The following CDRT4 variants were observed in gnomAD, a reference collection of about 807,000 sequenced individuals.
CDRT4 encodes the protein CMT1A duplicated region transcript 4 protein.
For synonymous variants in CDRT4, 64 were observed against 69.6 expected, an observed-to-expected ratio of 0.92 and a Z score of 0.40; for missense variants, 167 against 193.1, an observed-to-expected ratio of 0.87 and a Z score of 0.80.
At chr17:15,440,512 A>G (rs537555089) in intron 2 of CDRT4, among the ~76,000 whole-genome samples, 542 of 152,202 alleles carry the variant, frequency 3.6e-3, no homozygotes, top group African/African-American at 0.012. Flanking sequence ...CTGTCATGAT[A>G]GTCTCTGGGT....
chr17:15,466,987 T>C (rs1203554416), intron 1 of CDRT4, among the ~76,000 whole-genome samples: 1 of 152,250 alleles, frequency 6.6e-6, no homozygotes. Flanking sequence ...AAACATTCCT[T>C]TGGTCCTGAG....
In CDRT4 at chr17:15,450,574, CTTTTTTT is replaced by C. The variant is rs59035063; in HGVS notation, c.-48+2423_-48+2429del. Among the ~76,000 whole-genome samples, 1 of 146,116 alleles carries C rather than the reference CTTTTTTT, an allele frequency of 6.8e-6. No homozygotes were observed. Among genetic ancestry groups the C allele is most frequent in the South Asian group, 2.2e-4 (1 of 4,612 alleles). On this transcript the variant is annotated intron_variant, in intron 2 of 3. Coordinates refer to ENST00000619038, the MANE Select transcript of CDRT4 (RefSeq NM_001204477.2). The surrounding 1 kb of genome is among the most constrained non-coding windows in gnomAD (Gnocchi z 4.2). ...TCCATTGAGGATTTCTAGTTCCCTTCTTTTTTTTTTTTTATTTCCACACATCCCCAAA... is the reference window on the plus strand; with the variant it reads ...TCCATTGAGGATTTCTAGTTCCCTTCTTTTTTATTTCCACACATCCCCAAA...
intron 1 of CDRT4, among the ~76,000 whole-genome samples, chr17:15,466,478 T>G (rs1980048650): frequency 6.6e-6 from 1 of 152,236 alleles, no homozygotes; most frequent in African/African-American, 2.4e-5. Flanking sequence ...TCTTACTAAT[T>G]TTTTGTTTCA....
At position 15,459,001 on chromosome 17, in the gene CDRT4, C is replaced by A. The variant is rs184167022; in HGVS notation, c.-129-5916G>T. Reference sequence around the variant, plus strand: ...GACCATTGAGCAGGTCTGTCACTGCCTCACTTGGTAATAAAGAAAATCTGC... The same window carrying A: ...GACCATTGAGCAGGTCTGTCACTGCATCACTTGGTAATAAAGAAAATCTGC... On this transcript the variant is annotated intron_variant, in intron 1 of 3. Transcript: ENST00000619038. 2.0e-5 allele frequency among the ~76,000 whole-genome samples: 3 copies of A among 152,310 alleles called. No individual in the cohort carries two copies. The East Asian group carries it at 5.8e-4, about 29-fold the overall frequency.
In CDRT4 at chr17:15,464,425, G is replaced by A. The variant is rs905034037; in HGVS notation, c.-130+3035C>T. Among the ~76,000 whole-genome samples the A allele has an allele frequency of 2.6e-5, 4 of 152,104 alleles. No individual in the cohort carries two copies. The highest frequency in any genetic ancestry group is 2.1e-4 in the South Asian group (1 of 4,798). ...TACATATCACCCTCACTGCAGCAGC[G>A]GCTGCCTTTTCCGAGCTCGCTTCTT... is the stretch of plus-strand genomic sequence containing the variant. On this transcript the variant is annotated intron_variant, in intron 1 of 3. Transcript: ENST00000619038. The surrounding 1 kb of genome is among the most constrained non-coding windows in gnomAD (Gnocchi z 4.5).
At chr17:15,454,349 A>C (rs1979390012) in intron 1 of CDRT4, among the ~76,000 whole-genome samples, 1 of 152,176 alleles carries the variant, frequency 6.6e-6, no homozygotes, top group African/African-American at 2.4e-5. Flanking sequence ...ATGTTAACCG[A>C]GGGATGTTTC....
At chr17:15,452,858 CTCTT>C (rs1029809882) in intron 2 of CDRT4, 142 bp downstream of exon 2, 12 of 151,930 alleles carry the variant, frequency 7.9e-5, no homozygotes, top group African/African-American at 2.4e-4. Context: ...GTGTCTCTCT[CTCTT>C]TCTCTTTCTC....
intron 2 of CDRT4, among the ~76,000 whole-genome samples, chr17:15,451,785 T>C (rs1237651094): frequency 6.6e-6 from 1 of 152,188 alleles, no homozygotes; most frequent in Non-Finnish European, 1.5e-5. Context: ...TCACCACCAG[T>C]CACTATCACA....
At chr17:15,448,230 G>A (rs1472911661) in intron 2 of CDRT4, among the ~76,000 whole-genome samples, 2 of 152,138 alleles carry the variant, frequency 1.3e-5, no homozygotes, top group Non-Finnish European at 2.9e-5. Context: ...TTGCATTTGA[G>A]ATTTTACCTA....
At chr17:15,453,664 G>A (rs1322856622) in intron 1 of CDRT4, among the ~76,000 whole-genome samples, 2 of 152,178 alleles carry the variant, frequency 1.3e-5, no homozygotes, top group African/African-American at 4.8e-5. Flanking sequence ...AGTATCTGAA[G>A]ACGGCAATTG....
chr17:15,465,237 CAACA>C, intron 1 of CDRT4, among the ~76,000 whole-genome samples: 1 of 119,212 alleles, frequency 8.4e-6, no homozygotes, highest in Admixed American at 8.7e-5. Context: ...CAGACACACA[CAACA>C]GACACACACC....
At position 15,438,180 on chromosome 17, in the gene CDRT4, G is replaced by A; in HGVS notation, c.52C>T (p.Leu18Phe). ...TGTTTTTCAAGTAGCTTCCGGGGAAGTCCAGTGTTTTCTGTGAGTCCTACC... is the reference window on the plus strand; with the variant it reads ...TGTTTTTCAAGTAGCTTCCGGGGAAATCCAGTGTTTTCTGTGAGTCCTACC... The part of the protein sequence containing the change: ...KEEGLTENTG[L>F]PRKLLEKHDP... Residue 18 changes from leucine to phenylalanine, a missense_variant, in exon 4 of 4, where the codon CTT (leucine) becomes TTT (phenylalanine). Physicochemically the swap from Leu to Phe is conservative, Grantham distance 22. Coordinates refer to ENST00000619038, the MANE Select transcript of CDRT4 (RefSeq NM_001204477.2). 1 of 1,613,702 alleles carries A rather than the reference G, an allele frequency of 6.2e-7. No individual in the cohort carries two copies. Among genetic ancestry groups the A allele is most frequent in the Non-Finnish European group, 8.5e-7 (1 of 1,179,768 alleles).
Position 15,438,194 on chromosome 17 carries a change from G to C in CDRT4, c.38C>G (p.Thr13Arg). Residue 13 changes from threonine to arginine, a missense_variant, in exon 4 of 4, where the codon ACA becomes AGA. Physicochemically the swap from Thr to Arg is moderately conservative, Grantham distance 71 (BLOSUM62 -1). Transcript: ENST00000619038. ...ARRMKKEEGL[T>R]ENTGLPRKLL... ...CTTCCGGGGAAGTCCAGTGTTTTCT[G>C]TGAGTCCTACCAACAAAGAGAAATG... 6.2e-7 allele frequency: 1 copy of C among 1,612,840 alleles called. No homozygotes were observed. The highest frequency in any genetic ancestry group is 1.1e-5 in the South Asian group (1 of 91,010).
chr17:15,451,759 C>T (rs546645617), intron 2 of CDRT4, among the ~76,000 whole-genome samples: 2 of 152,354 alleles, frequency 1.3e-5, no homozygotes, highest in East Asian at 3.9e-4. Context: ...CCTCAGCCTT[C>T]CCTGACTATG....
chr17:15,441,873 G>T (rs1978778319), intron 2 of CDRT4, among the ~76,000 whole-genome samples: 1 of 152,168 alleles, frequency 6.6e-6, no homozygotes, highest in South Asian at 2.1e-4. Flanking sequence ...CTGAGGCTAG[G>T]GAAGAAATAA....
rs139613352 is a variant in CDRT4, at chr17:15,436,334, C to T, written c.*1439G>A. The T allele has an allele frequency of 1.3e-5, 2 of 152,350 alleles. No individual in the cohort carries two copies. The highest frequency in any genetic ancestry group is 4.8e-5 in the African/African-American group (2 of 41,588). The allele number at this position is 152,350 out of a possible 1,614,324, so 9.4% of individuals were successfully genotyped here. On this transcript the variant is annotated 3_prime_UTR_variant, in exon 4 of 4. Coordinates refer to ENST00000619038, the MANE Select transcript of CDRT4 (RefSeq NM_001204477.2). Reference sequence around the variant, plus strand: ...ATGACACTGCTATAAGTTACTACATCTCATCCTCTACATCTCTGTGAGGGA... The same window carrying T: ...ATGACACTGCTATAAGTTACTACATTTCATCCTCTACATCTCTGTGAGGGA...
At chr17:15,460,358 T>C (rs79442648) in intron 1 of CDRT4, among the ~76,000 whole-genome samples, 3,057 of 151,962 alleles carry the variant, frequency 0.02, 101 homozygotes, top group African/African-American at 0.069. Context: ...CTTAAATCCT[T>C]CGTTCTCTTT....
In CDRT4 at chr17:15,436,571, C is replaced by T. The variant is rs1156501492; in HGVS notation, c.*1202G>A. The T allele has an allele frequency of 6.6e-6, 1 of 152,186 alleles. No homozygotes were observed. Among genetic ancestry groups the T allele is most frequent in the African/African-American group, 2.4e-5 (1 of 41,438 alleles). The allele number at this position is 152,186 out of a possible 1,614,324, so 9.4% of individuals were successfully genotyped here. On this transcript the variant is annotated 3_prime_UTR_variant, in exon 4 of 4. Coordinates refer to ENST00000619038, the MANE Select transcript of CDRT4 (RefSeq NM_001204477.2). ...GGGGCCAACTCAGAGCAAGGGTGAACCAATCCTAGCTGTCCTCTGACAAAT... is the reference window on the plus strand; with the variant it reads ...GGGGCCAACTCAGAGCAAGGGTGAATCAATCCTAGCTGTCCTCTGACAAAT...
chr17:15,457,244 T>C (rs559511329), intron 1 of CDRT4, among the ~76,000 whole-genome samples: 3 of 152,206 alleles, frequency 2.0e-5, no homozygotes, highest in Non-Finnish European at 4.4e-5. Context: ...CCAAATGAAT[T>C]CCTTATGAGC....
Sources: allele counts gnomAD v4.1 joint callset (sites outside exome capture counted in the v4.1 genomes callset), GRCh38; gene constraint gnomAD v4.1.1; non-coding constraint Gnocchi (gnomAD v3.1); transcripts MANE v1.5; gene names NCBI Gene and HGNC (gene_info 2026-07-23, HGNC 2026-07-21).